Variants in GULP1 observed in about 807,000 individuals in gnomAD.
The protein encoded by GULP1 is GULP PTB domain containing engulfment adaptor 1, also known as PTB domain-containing engulfment adapter protein 1.
GULP1 carries 19 observed loss-of-function variants against 40.9 expected under a neutral mutation model. The observed-to-expected ratio is 0.46, with a 90% CI of 0.32 to 0.68. The LOEUF (loss-of-function observed/expected upper bound fraction) is 0.68. Among genes scored for constraint, GULP1 ranks in the 30% least tolerant of loss-of-function variants. The probability of loss-of-function intolerance (pLI) is 0.03; values close to 1 mark genes in which losing one functional copy is unlikely to be tolerated. For missense variants in GULP1, 312 were observed against 362.2 expected (o/e 0.86, Z 1.12); for synonymous variants, 119 against 117.6 (o/e 1.01, Z -0.08).
intron 1 of GULP1, among the ~76,000 whole-genome samples, chr2:188,377,960 A>G (rs1433156218): frequency 6.6e-6 from 1 of 152,134 alleles, no homozygotes; most frequent in Non-Finnish European, 1.5e-5. Context: ...AAGTATTGTA[A>G]TTATATACAG....
chr2:188,502,786 C>T (rs966692594), intron 4 of GULP1, among the ~76,000 whole-genome samples: 2 of 151,872 alleles, frequency 1.3e-5, no homozygotes, highest in East Asian at 1.9e-4. Context: ...TAACAAAAAC[C>T]TGAGATTGGG....
chr2:188,494,552 C>T (rs986312294), intron 4 of GULP1, among the ~76,000 whole-genome samples: 3 of 151,980 alleles, frequency 2.0e-5, no homozygotes, highest in Admixed American at 6.6e-5. Context: ...TATAGGCCAC[C>T]GTCATCTGTC....
At position 188,386,162 on chromosome 2, in the gene GULP1, C is replaced by T. The variant is rs549756713; in HGVS notation, c.-45+2273C>T. 1.5e-4 allele frequency among the ~76,000 whole-genome samples: 23 copies of T among 152,326 alleles called. 1 individual carries two copies. The Middle Eastern group carries it at 0.017, about 113-fold the overall frequency. ...TTAATGGACTTACAGTTCCATGTGG[C>T]TGGGGAGACCTCACAACCATGGAAG... On this transcript the variant is annotated intron_variant, in intron 2 of 11. Coordinates refer to ENST00000409830, the MANE Select transcript of GULP1 (RefSeq NM_016315.4).
At chr2:188,356,606 T>C (rs949609982) in intron 1 of GULP1, among the ~76,000 whole-genome samples, 5 of 152,128 alleles carry the variant, frequency 3.3e-5, no homozygotes, top group African/African-American at 1.2e-4. Context: ...AAAATGACCA[T>C]GCTATTCACA....
At chr2:188,418,496 G>A (rs1178754164) in intron 2 of GULP1, among the ~76,000 whole-genome samples, 1 of 152,088 alleles carries the variant, frequency 6.6e-6, no homozygotes, top group African/African-American at 2.4e-5. Context: ...AGCCGGGCAT[G>A]GTGGTGGGCG....
At chr2:188,531,393 C>G (rs762844315) in intron 6 of GULP1, among the ~76,000 whole-genome samples, 1 of 152,140 alleles carries the variant, frequency 6.6e-6, no homozygotes, top group East Asian at 1.9e-4. Context: ...GAACCTCTAA[C>G]TGTGGAAATC....
intron 3 of GULP1, among the ~76,000 whole-genome samples, chr2:188,480,968 TA>T (rs1575520189): frequency 6.6e-6 from 1 of 151,986 alleles, no homozygotes; most frequent in East Asian, 1.9e-4. Context: ...TACTCAAAAG[TA>T]GGTGTTTCAC....
At chr2:188,587,287 G>A (rs1436791957) in intron 10 of GULP1, among the ~76,000 whole-genome samples, 2 of 152,032 alleles carry the variant, frequency 1.3e-5, no homozygotes, top group African/African-American at 4.8e-5. Context: ...GGGATAGGAG[G>A]CATTTTTAAA....
At chr2:188,410,022 G>A (rs2053656713) in intron 2 of GULP1, among the ~76,000 whole-genome samples, 1 of 152,080 alleles carries the variant, frequency 6.6e-6, no homozygotes, top group Admixed American at 6.6e-5. Context: ...GCAGGATAAA[G>A]TGCCCAGAAA....
At chr2:188,423,022 A>G (rs1042047249) in intron 2 of GULP1, among the ~76,000 whole-genome samples, 7 of 152,076 alleles carry the variant, frequency 4.6e-5, no homozygotes, top group South Asian at 2.1e-4. Flanking sequence ...CTAGTGCTAT[A>G]TAATCTGCTT....
chr2:188,420,678 G>A (rs1050331230), intron 2 of GULP1, among the ~76,000 whole-genome samples: 1 of 152,184 alleles, frequency 6.6e-6, no homozygotes, highest in Non-Finnish European at 1.5e-5. Context: ...CTGTCTGTGA[G>A]GCTGAGTCCA....
At chr2:188,307,422 A>G (rs1418546733) in intron 1 of GULP1, among the ~76,000 whole-genome samples, 1 of 150,772 alleles carries the variant, frequency 6.6e-6, no homozygotes, top group East Asian at 1.9e-4. Flanking sequence ...GAAGTGAGAT[A>G]CATCTCCTTT....
intron 5 of GULP1, 105 bp downstream of exon 5, chr2:188,522,932 C>T (rs769144133): frequency 1.2e-5 from 8 of 679,994 alleles, no homozygotes; most frequent in Non-Finnish European, 2.2e-5. Context: ...GGTATAGCTT[C>T]ACCCTATTAA....
chr2:188,319,783 T>C (rs1405043315), intron 1 of GULP1, among the ~76,000 whole-genome samples: 1 of 152,190 alleles, frequency 6.6e-6, no homozygotes, highest in Non-Finnish European at 1.5e-5. Context: ...ATTACAAAAC[T>C]TTAGATTTTT....
intron 1 of GULP1, among the ~76,000 whole-genome samples, chr2:188,320,456 A>C (rs1047593251): frequency 6.6e-6 from 1 of 152,180 alleles, no homozygotes; most frequent in Admixed American, 6.6e-5. Flanking sequence ...ACTTGAAAGA[A>C]ATGTTTTCAC....
chr2:188,508,528 A>G (rs1575672928), intron 4 of GULP1, among the ~76,000 whole-genome samples: 1 of 152,032 alleles, frequency 6.6e-6, no homozygotes, highest in East Asian at 1.9e-4. Context: ...AGATGGACCC[A>G]GTTGATTATA....
At chr2:188,479,564 C>T (rs1049588761) in intron 3 of GULP1, among the ~76,000 whole-genome samples, 1 of 152,142 alleles carries the variant, frequency 6.6e-6, no homozygotes, top group African/African-American at 2.4e-5. Context: ...AGGCGGGAGC[C>T]ACTGTGCTCA....
intron 4 of GULP1, among the ~76,000 whole-genome samples, chr2:188,492,649 T>TA (rs35342268): frequency 0.11 from 16,870 of 150,620 alleles, 1,073 homozygotes; most frequent in Middle Eastern, 0.19. Context: ...GAATTAACTT[T>TA]AAAAAAAAAG....
At chr2:188,584,899 T>A (rs1576299698) in intron 10 of GULP1, among the ~76,000 whole-genome samples, 1 of 152,262 alleles carries the variant, frequency 6.6e-6, no homozygotes, top group East Asian at 1.9e-4. Context: ...TGCTTTTCTG[T>A]TTTATCTTTT....
Sources: gnomAD v4.1 joint callset for allele counts (sites outside exome capture counted in the v4.1 genomes callset) on GRCh38, gnomAD v4.1.1 for gene constraint, MANE v1.5 for transcripts, NCBI Gene and HGNC (gene_info 2026-07-23, HGNC 2026-07-21) for gene names.